Variants in CDC42BPA observed in about 807,000 individuals in gnomAD.
The protein encoded by CDC42BPA is CDC42 binding protein kinase alpha.
Under a neutral mutation model 223.5 loss-of-function variants are expected in CDC42BPA, and 80 were observed. That is an observed-to-expected ratio of 0.36 (90% confidence interval 0.30 to 0.43). CDC42BPA has a LOEUF of 0.43. CDC42BPA is among the 20% of genes least tolerant of loss of function. The probability of loss-of-function intolerance (pLI) is 1.00; values close to 1 mark genes in which losing one functional copy is unlikely to be tolerated. For synonymous variants in CDC42BPA, 694 were observed against 718.6 expected, an observed-to-expected ratio of 0.97 and a Z score of 0.55; for missense variants, 1,743 against 2,099.9, an observed-to-expected ratio of 0.83 and a Z score of 3.32.
At chr1:227,092,226 T>G (rs1273517827) in intron 15 of CDC42BPA, among the ~76,000 whole-genome samples, 2 of 152,150 alleles carry the variant, frequency 1.3e-5, no homozygotes, top group Non-Finnish European at 2.9e-5. Context: ...ATTTATGGAG[T>G]GCTTACTAGG....
intron 1 of CDC42BPA, among the ~76,000 whole-genome samples, chr1:227,279,195 T>C (rs1687623531): frequency 6.6e-6 from 1 of 152,208 alleles, no homozygotes; most frequent in Non-Finnish European, 1.5e-5. Context: ...GTTGGAAACC[T>C]GTGTTCTCCT....
intron 1 of CDC42BPA, among the ~76,000 whole-genome samples, chr1:227,283,722 T>C (rs1688366468): frequency 1.3e-5 from 2 of 152,176 alleles, no homozygotes; most frequent in Admixed American, 6.5e-5. Context: ...CCATTATGCA[T>C]GTAATATCCA....
At chr1:227,057,856 G>A (rs1674923523) in intron 21 of CDC42BPA, among the ~76,000 whole-genome samples, 1 of 151,930 alleles carries the variant, frequency 6.6e-6, no homozygotes, top group Non-Finnish European at 1.5e-5. Context: ...AAATGTTCTA[G>A]GTGTCCAAGG....
chr1:227,003,916 A>G (rs1003838656), intron 35 of CDC42BPA: 1 of 152,052 alleles, frequency 6.6e-6, no homozygotes, highest in African/African-American at 2.4e-5. Context: ...ATGTATTTTT[A>G]CCCCCAGCAC....
At chr1:227,226,045 A>G (rs1676811610) in intron 2 of CDC42BPA, among the ~76,000 whole-genome samples, 1 of 152,242 alleles carries the variant, frequency 6.6e-6, no homozygotes. Context: ...GCAAATGTTG[A>G]AAAACAAAAA....
chr1:227,310,554 T>A (rs1337911902), intron 1 of CDC42BPA, among the ~76,000 whole-genome samples: 1 of 151,978 alleles, frequency 6.6e-6, no homozygotes, highest in Non-Finnish European at 1.5e-5. Context: ...ACGTACTGAT[T>A]AGAAAAAGAG....
intron 14 of CDC42BPA, among the ~76,000 whole-genome samples, chr1:227,103,481 A>C (rs926158062): frequency 2.0e-5 from 3 of 152,114 alleles, no homozygotes; most frequent in African/African-American, 7.2e-5. Context: ...TCTTCCACAT[A>C]ATTCTAATTA....
intron 21 of CDC42BPA, among the ~76,000 whole-genome samples, chr1:227,061,053 T>C (rs1675827509): frequency 6.6e-6 from 1 of 152,098 alleles, no homozygotes; most frequent in Non-Finnish European, 1.5e-5. Flanking sequence ...GGAAATGGAA[T>C]GGAAGATAAC....
Position 227,251,018 on chromosome 1 carries a change from A to C in CDC42BPA, c.270+3046T>G, listed in dbSNP as rs1681909087. Among the ~76,000 whole-genome samples, 3 of 152,296 alleles carry C rather than the reference A, an allele frequency of 2.0e-5. No homozygotes were observed. The South Asian group carries it at 6.2e-4, about 32-fold the overall frequency. On this transcript the variant is annotated intron_variant, in intron 2 of 36. Coordinates refer to ENST00000366766, the MANE Select transcript of CDC42BPA (RefSeq NM_001394014.1). ...CAGTGAGCTATGATCACACCACTGC[A>C]CTGCAGCCAGAGAGACAAAGCAAAA... is the stretch of plus-strand genomic sequence containing the variant.
intron 34 of CDC42BPA, chr1:227,010,877 C>A: frequency 7.4e-7 from 1 of 1,358,204 alleles, no homozygotes; most frequent in Non-Finnish European, 9.8e-7. Context: ...GCTGTTCATA[C>A]CCTCAGAGTC....
intron 1 of CDC42BPA, among the ~76,000 whole-genome samples, chr1:227,286,647 C>T (rs59981133): frequency 0.31 from 46,769 of 151,988 alleles, 7,383 homozygotes; most frequent in East Asian, 0.37. Context: ...ATTCCACTCC[C>T]GGTACCAATT....
intron 3 of CDC42BPA, among the ~76,000 whole-genome samples, chr1:227,203,163 C>T (rs1008075923): frequency 2.6e-5 from 4 of 152,132 alleles, no homozygotes; most frequent in African/African-American, 7.2e-5. Context: ...AAACCCCAGA[C>T]AGCATATGAT....
chr1:226,995,117 T>A, intron 35 of CDC42BPA, 137 bp from the exon 36 acceptor site: 1 of 713,254 alleles, frequency 1.4e-6, no homozygotes, highest in Non-Finnish European at 2.3e-6. Flanking sequence ...TAAGTCCAAC[T>A]GTAGTACCTT....
At chr1:227,176,861 A>C (rs959935697) in intron 5 of CDC42BPA, among the ~76,000 whole-genome samples, 1 of 151,982 alleles carries the variant, frequency 6.6e-6, no homozygotes, top group Non-Finnish European at 1.5e-5. Context: ...TTTTGTTCAC[A>C]TTTTCTTTTC....
chr1:227,135,918 C>G (rs972809777), intron 10 of CDC42BPA, among the ~76,000 whole-genome samples: 1 of 143,254 alleles, frequency 7.0e-6, no homozygotes, highest in Non-Finnish European at 1.5e-5. Flanking sequence ...TTAGTCTTGT[C>G]CAAGCTCAAT....
At chr1:226,995,897 T>C (rs561544467) in intron 35 of CDC42BPA, among the ~76,000 whole-genome samples, 2 of 152,390 alleles carry the variant, frequency 1.3e-5, no homozygotes, top group African/African-American at 4.8e-5. Flanking sequence ...AGGTACAGGT[T>C]GTGCTTGTTT....
chr1:227,251,568 A>C (rs1682016579), intron 2 of CDC42BPA, among the ~76,000 whole-genome samples: 1 of 152,148 alleles, frequency 6.6e-6, no homozygotes, highest in African/African-American at 2.4e-5. Flanking sequence ...ACTAATAAAA[A>C]AGAGCTGGAG....
intron 12 of CDC42BPA, among the ~76,000 whole-genome samples, chr1:227,113,704 T>C (rs1488558649): frequency 6.6e-6 from 1 of 151,874 alleles, no homozygotes; most frequent in East Asian, 1.9e-4. Flanking sequence ...AAGAACTGTA[T>C]GGAACATTTA....
chr1:227,215,183 C>T (rs1482902694), intron 2 of CDC42BPA, among the ~76,000 whole-genome samples: 1 of 152,086 alleles, frequency 6.6e-6, no homozygotes, highest in African/African-American at 2.4e-5. Flanking sequence ...ACCAAAACCA[C>T]CTCTGGAATA....
Sources: gnomAD v4.1 joint callset for allele counts (sites outside exome capture counted in the v4.1 genomes callset) on GRCh38, gnomAD v4.1.1 for gene constraint, MANE v1.5 for transcripts, NCBI Gene and HGNC (gene_info 2026-07-23, HGNC 2026-07-21) for gene names.